Variants in GLB1 observed in about 807,000 individuals in gnomAD.
GLB1 encodes the protein beta-galactosidase.
GLB1 carries 56 observed loss-of-function variants against 74.0 expected under a neutral mutation model. The observed-to-expected ratio is 0.76, with a 90% CI of 0.61 to 0.94. The LOEUF (loss-of-function observed/expected upper bound fraction) is 0.94. Among genes scored for constraint, GLB1 ranks in the 40% least tolerant of loss-of-function variants. GLB1 has a pLI of 0.00. For missense variants in GLB1, 787 were observed against 845.5 expected, an observed-to-expected ratio of 0.93 and a Z score of 0.86; for synonymous variants, 323 against 323.6, an observed-to-expected ratio of 1.00 and a Z score of 0.02.
At chr3:33,015,824 C>A (rs1697216950) in intron 14 of GLB1, among the ~76,000 whole-genome samples, 1 of 152,210 alleles carries the variant, frequency 6.6e-6, no homozygotes, top group African/African-American at 2.4e-5. Flanking sequence ...GCCCCAGACA[C>A]CTGTCCTGCC....
At chr3:33,022,504 A>G (rs1168113100) in intron 11 of GLB1, among the ~76,000 whole-genome samples, 1 of 144,358 alleles carries the variant, frequency 6.9e-6, no homozygotes, top group African/African-American at 2.5e-5. Context: ...CAGAGCCAGG[A>G]TTTGTAGTTA....
At chr3:33,073,009 A>C (rs1699942247) in intron 1 of GLB1, among the ~76,000 whole-genome samples, 1 of 152,108 alleles carries the variant, frequency 6.6e-6, no homozygotes, top group African/African-American at 2.4e-5. Flanking sequence ...TGTGCTGTTC[A>C]TGGGGCTGGG....
intron 10 of GLB1, among the ~76,000 whole-genome samples, chr3:33,028,509 A>T (rs1366911063): frequency 6.6e-6 from 1 of 151,852 alleles, no homozygotes; most frequent in Non-Finnish European, 1.5e-5. Flanking sequence ...CTCAAACTTC[A>T]TGTCTATAGC....
chr3:32,991,004 C>T, the GLB1 span, among the ~76,000 whole-genome samples: 2 of 151,946 alleles, frequency 1.3e-5, no homozygotes, highest in African/African-American at 4.8e-5. Context: ...AATCGTATTG[C>T]TTAGTAAAAA....
At chr3:33,086,018 C>T (rs985568046) in intron 1 of GLB1, among the ~76,000 whole-genome samples, 1 of 151,800 alleles carries the variant, frequency 6.6e-6, no homozygotes, top group African/African-American at 2.4e-5. Context: ...ATTGAGAGTG[C>T]AGTGAGTTAC....
intron 14 of GLB1, among the ~76,000 whole-genome samples, chr3:33,016,023 T>G (rs1395580609): frequency 6.6e-6 from 1 of 152,228 alleles, no homozygotes; most frequent in Non-Finnish European, 1.5e-5. Flanking sequence ...TAGAAAAACT[T>G]ATTTGGGCTA....
intron 15 of GLB1, among the ~76,000 whole-genome samples, chr3:33,005,640 C>T (rs1696755065): frequency 6.6e-6 from 1 of 152,168 alleles, no homozygotes. Flanking sequence ...ACTACAGGTG[C>T]ATGCCACCAA....
the GLB1 span, among the ~76,000 whole-genome samples, chr3:32,991,039 A>G: frequency 6.6e-6 from 1 of 152,172 alleles, no homozygotes; most frequent in Non-Finnish European, 1.5e-5. Flanking sequence ...AGTAAATTGG[A>G]CAGACTGCAC....
chr3:33,078,910 C>T (rs1053675456), intron 1 of GLB1, among the ~76,000 whole-genome samples: 4 of 152,084 alleles, frequency 2.6e-5, no homozygotes, highest in African/African-American at 9.7e-5. Context: ...ATGGCTCAAT[C>T]ATATCTCATG....
chr3:33,018,589 A>T (rs1193391107), intron 12 of GLB1, 28 bp from the exon 13 acceptor site: 1 of 1,610,714 alleles, frequency 6.2e-7, no homozygotes, highest in South Asian at 1.1e-5. Flanking sequence ...TAAGAAAAAT[A>T]CATCACTATT....
rs138518607 is a variant in GLB1, at chr3:33,048,148, T to G, written c.956-1916A>C. On this transcript the variant is annotated intron_variant, in intron 9 of 15. Transcript: ENST00000307363. ...TTGAGTCCTTAGCCAGAGCCCAGCA[T>G]GGAGGGGGTTGCCAGGTTGAGTTGG... Among the ~76,000 whole-genome samples the G allele has an allele frequency of 2.4e-3, 368 of 152,166 alleles. 3 individuals carry two copies. Among genetic ancestry groups the G allele is most frequent in the African/African-American group, 8.4e-3 (348 of 41,490 alleles).
chr3:32,982,831 T>C, the GLB1 span, among the ~76,000 whole-genome samples: 3 of 152,212 alleles, frequency 2.0e-5, no homozygotes, highest in Non-Finnish European at 4.4e-5. Context: ...TATCATAAAA[T>C]GTCTTTATTT....
chr3:32,964,959 A>G, the GLB1 span, among the ~76,000 whole-genome samples: 13 of 151,548 alleles, frequency 8.6e-5, no homozygotes, highest in Non-Finnish European at 1.9e-4. Flanking sequence ...CCCCGCACAC[A>G]CTCTCTTGCC....
At chr3:33,056,418 C>T (rs1361961541) in intron 6 of GLB1, among the ~76,000 whole-genome samples, 1 of 143,868 alleles carries the variant, frequency 7.0e-6, no homozygotes, top group African/African-American at 2.5e-5. Flanking sequence ...GTGTGTGTAT[C>T]TTTTTTTTTT....
Position 33,015,304 on chromosome 3 carries a change from G to T in GLB1, c.1480-994C>A, listed in dbSNP as rs139281299. On this transcript the variant is annotated intron_variant, in intron 14 of 15. Transcript: ENST00000307363. ...CATCATCACAGGGAGGACCACACCC[G>T]AGTCACTCACCTGTTATGAGGGCCA... 3.8e-4 allele frequency among the ~76,000 whole-genome samples: 58 copies of T among 152,286 alleles called. No homozygotes were observed. In the East Asian group the frequency reaches 0.011, roughly 28 times the overall value.
the GLB1 span, among the ~76,000 whole-genome samples, chr3:32,976,797 C>T: frequency 6.6e-6 from 1 of 152,052 alleles, no homozygotes; most frequent in Non-Finnish European, 1.5e-5. Flanking sequence ...ATTAGAAATT[C>T]AGAGGTGGGG....
At chr3:33,034,279 A>AG (rs1257124873) in intron 10 of GLB1, 1 of 707,380 alleles carries the variant, frequency 1.4e-6, no homozygotes, top group African/African-American at 1.7e-5. Flanking sequence ...GGGAAGGCCA[A>AG]TGGGAAGTGA....
the GLB1 span, among the ~76,000 whole-genome samples, chr3:32,963,686 C>A: frequency 6.6e-6 from 1 of 152,108 alleles, no homozygotes; most frequent in African/African-American, 2.4e-5. Flanking sequence ...CAGCTATATA[C>A]CTATACCATT....
intron 9 of GLB1, among the ~76,000 whole-genome samples, chr3:33,050,263 G>C (rs1304237291): frequency 6.6e-6 from 1 of 152,142 alleles, no homozygotes; most frequent in Non-Finnish European, 1.5e-5. Flanking sequence ...TAAACATAGA[G>C]TTACCATATG....
Sources: allele counts gnomAD v4.1 joint callset (sites outside exome capture counted in the v4.1 genomes callset), GRCh38; gene constraint gnomAD v4.1.1; transcripts MANE v1.5; gene names NCBI Gene and HGNC (gene_info 2026-07-23, HGNC 2026-07-21).